The following DEFA6 variants were observed in gnomAD, a reference collection of about 807,000 sequenced individuals.
The protein encoded by DEFA6 is defensin alpha 6, also known as defensin-6.
In DEFA6, 8 loss-of-function variants were observed where a neutral mutation model predicts 5.1. The observed-to-expected ratio is 1.57, with a 90% confidence interval of 0.92 to 2.83. DEFA6 has a LOEUF of 2.83. DEFA6 is among the 30% of genes most tolerant of loss of function. DEFA6 has a pLI of 0.00. For missense variants in DEFA6, 191 were observed against 119.1 expected (o/e 1.60, Z -2.81); for synonymous variants, 74 against 45.3 (o/e 1.63, Z -2.54).
rs762700462 is a variant in DEFA6, at chr8:6,926,011, C to T, written c.25G>A (p.Ala9Thr). 6.2e-7 allele frequency: 1 copy of T among 1,612,040 alleles called. No homozygotes were observed. The highest frequency in any genetic ancestry group is 8.5e-7 in the Non-Finnish European group (1 of 1,179,348). Reference sequence around the variant, plus strand: ...GCCTGGAGGGCCACGAGGAGAACAGCAGTGAGGATGGTGAGGGTTCTCATG... The same window carrying T: ...GCCTGGAGGGCCACGAGGAGAACAGTAGTGAGGATGGTGAGGGTTCTCATG... Reference protein sequence around the residue: MRTLTILTAVLLVALQAKA... With the variant: MRTLTILTTVLLVALQAKA... The change falls in exon 1 of 2, where the codon GCT becomes ACT. Residue 9 changes from alanine (A) to threonine (T), a missense_variant. Transcript: ENST00000297436.
In DEFA6 at chr8:6,925,933, C is replaced by T. The variant is rs766318283; in HGVS notation, c.103G>A (p.Glu35Lys). Residue 35 changes from glutamate to lysine, a missense_variant, in exon 1 of 2, where the codon GAG becomes AAG. Physicochemically the swap from Glu to Lys is moderately conservative, Grantham distance 56. Coordinates refer to ENST00000297436, the MANE Select transcript of DEFA6 (RefSeq NM_001926.4). ...CCACGCTGCTCCTGGGCATCAGCCT[C>T]ATAAGCTTTTGCCTGCAGTGGATCA... Reference protein sequence around the residue: ...EDDPLQAKAYEADAQEQRGAN... With the variant: ...EDDPLQAKAYKADAQEQRGAN... 2 of 1,614,144 alleles carry T rather than the reference C, an allele frequency of 1.2e-6. No homozygotes were observed. The highest frequency in any genetic ancestry group is 1.7e-6 in the Non-Finnish European group (2 of 1,180,026).
rs1208339897 is a variant in DEFA6 at position 6,926,053 on chromosome 8, G to T, written c.-18C>A. On this transcript the variant is annotated 5_prime_UTR_variant, in exon 1 of 2. Coordinates refer to ENST00000297436, the MANE Select transcript of DEFA6 (RefSeq NM_001926.4). Reference sequence around the variant, plus strand: ...GTTCTCATGGCTAGGGTCGCTGGAGGAGAGAGAGCAGGAGCAGATGTGTGG... The same window carrying T: ...GTTCTCATGGCTAGGGTCGCTGGAGTAGAGAGAGCAGGAGCAGATGTGTGG... 1 of 1,594,576 alleles carries T rather than the reference G, an allele frequency of 6.3e-7. No homozygotes were observed. The highest frequency in any genetic ancestry group is 8.5e-7 in the Non-Finnish European group (1 of 1,171,652).
intron 1 of DEFA6, 85 bp downstream of exon 1, chr8:6,925,758 G>C: frequency 7.9e-7 from 1 of 1,260,596 alleles, no homozygotes; most frequent in South Asian, 1.6e-5. Context: ...TCACCTAAGA[G>C]AAAGAGCCAG....
intron 1 of DEFA6, among the ~76,000 whole-genome samples, chr8:6,925,368 AAAT>A (rs1335631340): frequency 6.6e-6 from 1 of 152,094 alleles, no homozygotes; most frequent in Non-Finnish European, 1.5e-5. Flanking sequence ...AAAAAAAAAA[AAAT>A]ACAAAATTTA....
chr8:6,925,164 C>G (rs1808387054), intron 1 of DEFA6, among the ~76,000 whole-genome samples: 1 of 152,184 alleles, frequency 6.6e-6, no homozygotes, highest in Non-Finnish European at 1.5e-5. Context: ...ACACACACAT[C>G]TGAATGCACC....
At chr8:6,925,031 G>C in intron 1 of DEFA6, 104 bp from the exon 2 acceptor site, 3 of 689,970 alleles carry the variant, frequency 4.3e-6, no homozygotes, top group Non-Finnish European at 7.8e-6. Flanking sequence ...TGTAATGCTG[G>C]CTGCATTACA....
chr8:6,924,761 A>T lies in DEFA6; in HGVS notation c.*57T>A. On this transcript the variant is annotated 3_prime_UTR_variant, in exon 2 of 2. Transcript: ENST00000297436. ...GATGGCAATGTATAGGACACACGAC[A>T]GTTTCCTTCTAGGTCATAAAGTAAA... 1.6e-6 allele frequency: 2 copies of T among 1,248,158 alleles called. No homozygotes were observed. The highest frequency in any genetic ancestry group is 2.3e-6 in the Non-Finnish European group (2 of 869,896). The allele number at this position is 1,248,158 out of a possible 1,614,324, so 77.3% of individuals were successfully genotyped here.
At position 6,924,718 on chromosome 8, in the gene DEFA6, A is replaced by T; in HGVS notation, c.*100T>A. The T allele has an allele frequency of 1.5e-6, 1 of 670,454 alleles. No individual in the cohort carries two copies. Among genetic ancestry groups the T allele is most frequent in the Non-Finnish European group, 2.4e-6 (1 of 420,178 alleles). The allele number at this position is 670,454 out of a possible 1,614,324, so 41.5% of individuals were successfully genotyped here. A position where few individuals can be genotyped will look rare whatever the true frequency, so the allele number is the denominator to read the frequency against. On this transcript the variant is annotated 3_prime_UTR_variant, in exon 2 of 2. Transcript: ENST00000297436. The stretch of plus-strand genomic sequence containing the variant: ...GAACTTGCTGAAAGGACTTTATTTG[A>T]GATGAGGAAACAAAGTTGATGGCAA...
chr8:6,925,814 C>G, intron 1 of DEFA6, 29 bp downstream of exon 1: 1 of 1,583,610 alleles, frequency 6.3e-7, no homozygotes, highest in Non-Finnish European at 8.6e-7. Flanking sequence ...TCTCTACACT[C>G]CTAGCTCTGC....
At position 6,924,939 on chromosome 8, in the gene DEFA6, G is replaced by C. The variant is rs748714753; in HGVS notation, c.194-12C>G. On this transcript the variant is annotated splice_polypyrimidine_tract_variant and intron_variant, in intron 1 of 1. Transcript: ENST00000297436. ...AGCCCTTGTTGAGCCTGGGGACAGA[G>C]AGAGAGAGCATCAGAAATTGAGCAC... The C allele has an allele frequency of 2.5e-6, 4 of 1,575,028 alleles. No individual in the cohort carries two copies. In the East Asian group the frequency reaches 9.0e-5, roughly 36 times the overall value.
At chr8:6,924,965 C>G (rs760006114) in intron 1 of DEFA6, 38 bp from the exon 2 acceptor site, 3 of 1,393,860 alleles carry the variant, frequency 2.2e-6, no homozygotes, top group East Asian at 4.6e-5. Context: ...AATTGAGCAC[C>G]AGGGTCAGCA....
chr8:6,925,571 T>G (rs1180108522), intron 1 of DEFA6, among the ~76,000 whole-genome samples: 4 of 152,146 alleles, frequency 2.6e-5, no homozygotes, highest in Non-Finnish European at 5.9e-5. Context: ...TCCTTTAAAA[T>G]TAGGCTCTCT....
At chr8:6,924,974 C>T (rs372519339) in intron 1 of DEFA6, 47 bp from the exon 2 acceptor site, 7 of 1,299,922 alleles carry the variant, frequency 5.4e-6, no homozygotes, top group Non-Finnish European at 7.8e-6. Context: ...CCAGGGTCAG[C>T]AGCGGGCAGT....
rs2117315939 is a variant in DEFA6, at chr8:6,925,981, C to CCTTGG, written c.50_54dup (p.Ala19ProfsTer87). ...TCATCCTCAGCTTGGAGTGGCTCAG[C>CCTTGG]CTTGGCCTGGAGGGCCACGAGGAGA... On this transcript the variant is annotated frameshift_variant, in exon 1 of 2. Coordinates refer to ENST00000297436, the MANE Select transcript of DEFA6 (RefSeq NM_001926.4). LOFTEE classifies it high-confidence loss of function. 1 of 1,613,718 alleles carries CCTTGG rather than the reference C, an allele frequency of 6.2e-7. No homozygotes were observed. The highest frequency in any genetic ancestry group is 1.1e-5 in the South Asian group (1 of 90,922).
At chr8:6,925,217 G>A (rs565891992) in intron 1 of DEFA6, among the ~76,000 whole-genome samples, 305 of 152,258 alleles carry the variant, frequency 2.0e-3, no homozygotes, top group Admixed American at 3.3e-3. Flanking sequence ...ATAAAAGTCA[G>A]ATTAAAAAAC....
Position 6,925,909 on chromosome 8 carries a change from C to G in DEFA6, c.127G>C (p.Gly43Arg). 6.2e-7 allele frequency: 1 copy of G among 1,614,158 alleles called. No individual in the cohort carries two copies. Among genetic ancestry groups the G allele is most frequent in the South Asian group, 1.1e-5 (1 of 91,064 alleles). ...ACGGCAAAGTCCTGGTCATTTGCCC[C>G]ACGCTGCTCCTGGGCATCAGCCTCA... The part of the protein sequence containing the change: ...AYEADAQEQR[G>R]ANDQDFAVSF... The change falls in exon 1 of 2, where the codon GGG becomes CGG. Residue 43 changes from glycine (G) to arginine (R), a missense_variant. Coordinates refer to ENST00000297436, the MANE Select transcript of DEFA6 (RefSeq NM_001926.4).
chr8:6,925,838 C>T lies in DEFA6; in HGVS notation c.193+5G>A, dbSNP rs1187290918. On this transcript the variant is annotated splice_donor_5th_base_variant and intron_variant, in intron 1 of 1. Transcript: ENST00000297436. ...TCCTAGCTCTGCAATGCTGGTGTCT[C>T]TTACCCAAAGCTCTAAGACTTGAGC... is the stretch of plus-strand genomic sequence containing the variant. The T allele has an allele frequency of 2.5e-6, 4 of 1,607,924 alleles. No homozygotes were observed. The highest frequency in any genetic ancestry group is 2.7e-5 in the African/African-American group (2 of 74,704).
chr8:6,925,437 G>T (rs12547871), intron 1 of DEFA6, among the ~76,000 whole-genome samples: 1 of 152,104 alleles, frequency 6.6e-6, no homozygotes, highest in African/African-American at 2.4e-5. Context: ...CTGAGGGAGA[G>T]AATTGCGTGA....
chr8:6,924,935 C>CAG lies in DEFA6; in HGVS notation c.194-10_194-9dup, dbSNP rs761957877. ...TGAAAGCCCTTGTTGAGCCTGGGGA[C>CAG]AGAGAGAGAGAGCATCAGAAATTGA... On this transcript the variant is annotated splice_polypyrimidine_tract_variant and intron_variant, in intron 1 of 1. Coordinates refer to ENST00000297436, the MANE Select transcript of DEFA6 (RefSeq NM_001926.4). The CAG allele has an allele frequency of 2.8e-5, 45 of 1,584,586 alleles. No individual in the cohort carries two copies. Among genetic ancestry groups the CAG allele is most frequent in the African/African-American group, 8.1e-5 (6 of 74,260 alleles).
Sources: allele counts gnomAD v4.1 joint callset (sites outside exome capture counted in the v4.1 genomes callset), GRCh38; gene constraint gnomAD v4.1.1; transcripts MANE v1.5; gene names NCBI Gene and HGNC (gene_info 2026-07-23, HGNC 2026-07-21).